The following C1GALT1 variants were observed in gnomAD, a reference collection of about 807,000 sequenced individuals.
C1GALT1 encodes the protein glycoprotein-N-acetylgalactosamine 3-beta-galactosyltransferase 1.
C1GALT1 carries 11 observed loss-of-function variants against 31.0 expected under a neutral mutation model. The ratio of observed to expected loss-of-function variants is 0.36; its 90% CI spans 0.22 to 0.59. C1GALT1 has a LOEUF of 0.59. C1GALT1 is among the 20% of genes least tolerant of loss of function. C1GALT1 has a pLI of 0.79. For missense variants in C1GALT1, 424 were observed against 425.2 expected, an observed-to-expected ratio of 1.00 and a Z score of 0.03; for synonymous variants, 175 against 143.6, an observed-to-expected ratio of 1.22 and a Z score of -1.56.
chr7:7,175,431 T>C (rs1437640275), intron 2 of C1GALT1, among the ~76,000 whole-genome samples: 1 of 152,272 alleles, frequency 6.6e-6, no homozygotes, highest in Admixed American at 6.5e-5. Context: ...GCCCTGGGCA[T>C]GTGCATGGCT....
chr7:7,237,783 G>C (rs184407191), intron 2 of C1GALT1, among the ~76,000 whole-genome samples: 29 of 152,228 alleles, frequency 1.9e-4, no homozygotes, highest in African/African-American at 6.5e-4. Context: ...TCAGAAACTC[G>C]TTCAGAGCAG....
chr7:7,228,482 A>G (rs914223383), intron 1 of C1GALT1, among the ~76,000 whole-genome samples: 1 of 152,144 alleles, frequency 6.6e-6, no homozygotes, highest in Non-Finnish European at 1.5e-5. Context: ...CAGTGTGGTT[A>G]AGCTGTGTCT....
chr7:7,237,239 A>C (rs187787072), intron 2 of C1GALT1, among the ~76,000 whole-genome samples: 38 of 152,342 alleles, frequency 2.5e-4, no homozygotes, highest in Non-Finnish European at 1.5e-5. Flanking sequence ...ATAGCTTGGG[A>C]AGTACTCATC....
intron 1 of C1GALT1, among the ~76,000 whole-genome samples, chr7:7,207,612 G>A (rs566912135): frequency 2.6e-5 from 4 of 151,506 alleles, no homozygotes; most frequent in Admixed American, 1.3e-4. Context: ...ATCTACCATC[G>A]GGTCTTTTTC....
chr7:7,183,619 G>C (rs1780687882), intron 1 of C1GALT1: 1 of 982,990 alleles, frequency 1.0e-6, no homozygotes, highest in Non-Finnish European at 1.2e-6. Context: ...CTTAAAAGAT[G>C]ACCATAATTT....
Position 7,243,573 on chromosome 7 carries a change from C to T in C1GALT1, c.938C>T (p.Ser313Phe). 1 of 1,611,578 alleles carries T rather than the reference C, an allele frequency of 6.2e-7. No homozygotes were observed. Among genetic ancestry groups the T allele is most frequent in the South Asian group, 1.1e-5 (1 of 90,558 alleles). ...GCAGTTTCTTTTCACTATGTTGATTCTACAACCATGTATGAGTTAGAATAC... is the reference window on the plus strand; with the variant it reads ...GCAGTTTCTTTTCACTATGTTGATTTTACAACCATGTATGAGTTAGAATAC... The part of the protein sequence containing the change: ...DLAVSFHYVD[S>F]TTMYELEYLV... The change falls in exon 4 of 4, where the codon TCT becomes TTT. Residue 313 changes from serine (S) to phenylalanine (F), a missense_variant. Around this residue, in one of 3 missense-constraint regions of C1GALT1, gnomAD observed 191 missense variants for 188.8 expected, o/e 1.01. Coordinates refer to ENST00000436587, the MANE Select transcript of C1GALT1 (RefSeq NM_020156.5).
chr7:7,183,241 C>T (rs1362960157), intron 1 of C1GALT1, among the ~76,000 whole-genome samples: 3 of 152,076 alleles, frequency 2.0e-5, no homozygotes, highest in Admixed American at 1.3e-4. Flanking sequence ...CCCTCCCCGC[C>T]CCGCCGCAGA....
At chr7:7,160,690 C>T (rs2128226312) in intron 2 of C1GALT1, among the ~76,000 whole-genome samples, 1 of 152,148 alleles carries the variant, frequency 6.6e-6, no homozygotes, top group African/African-American at 2.4e-5. Flanking sequence ...CAACTCATTC[C>T]TGGGTACACA....
chr7:7,205,257 C>G (rs975628185), intron 1 of C1GALT1, among the ~76,000 whole-genome samples: 1 of 152,082 alleles, frequency 6.6e-6, no homozygotes, highest in Non-Finnish European at 1.5e-5. Flanking sequence ...TGCTATCCCC[C>G]CCACGGAAAT....
chr7:7,175,453 C>T (rs1404489537), intron 2 of C1GALT1, among the ~76,000 whole-genome samples: 1 of 152,164 alleles, frequency 6.6e-6, no homozygotes, highest in Non-Finnish European at 1.5e-5. Context: ...TCTAAATTCC[C>T]ACGTATATAT....
intron 1 of C1GALT1, among the ~76,000 whole-genome samples, chr7:7,224,802 AC>A (rs1320454748): frequency 1.3e-5 from 2 of 152,114 alleles, no homozygotes; most frequent in African/African-American, 4.8e-5. Flanking sequence ...GGGTACATAT[AC>A]AGGTTTGTTA....
chr7:7,241,033 A>C (rs866272692), intron 3 of C1GALT1, among the ~76,000 whole-genome samples: 24 of 152,060 alleles, frequency 1.6e-4, no homozygotes, highest in Middle Eastern at 3.2e-3. Flanking sequence ...TCTTAGTAAT[A>C]GACTTTTCAC....
rs34137418 is a variant in C1GALT1, at chr7:7,245,186, A to C, written c.*1459A>C. 6.6e-6 allele frequency: 1 copy of C among 152,190 alleles called. No individual in the cohort carries two copies. The highest frequency in any genetic ancestry group is 1.5e-5 in the Non-Finnish European group (1 of 68,024). 9.4% of individuals were successfully genotyped at this position (152,190 alleles called of 1,614,324 possible). ...ATGTTTATCATTATGCCAATTTTAC[A>C]TGGCAGTCATGCCACTGACTCTGCT... On this transcript the variant is annotated 3_prime_UTR_variant, in exon 4 of 4. Transcript: ENST00000436587.
intron 1 of C1GALT1, among the ~76,000 whole-genome samples, chr7:7,223,350 A>T (rs556246770): frequency 6.6e-6 from 1 of 152,058 alleles, no homozygotes; most frequent in African/African-American, 2.4e-5. Flanking sequence ...TTTAGTAGAG[A>T]TGGGGTTTCT....
intron 2 of C1GALT1, chr7:7,234,756 A>G: frequency 2.4e-6 from 1 of 425,176 alleles, no homozygotes; most frequent in African/African-American, 2.0e-5. Context: ...ATAGTTCAGA[A>G]CCCATGATTT....
chr7:7,202,249 C>A (rs1021911587), intron 1 of C1GALT1, among the ~76,000 whole-genome samples: 2 of 152,126 alleles, frequency 1.3e-5, no homozygotes, highest in African/African-American at 4.8e-5. Flanking sequence ...TGGATTCTCT[C>A]GGCTTTCCTG....
chr7:7,187,124 G>C (rs575021243), intron 1 of C1GALT1, among the ~76,000 whole-genome samples: 88 of 152,348 alleles, frequency 5.8e-4, no homozygotes, highest in Admixed American at 9.8e-4. Flanking sequence ...GAAGTCAGAA[G>C]AGGTACAAGA....
At chr7:7,195,463 C>T (rs965951806) in intron 1 of C1GALT1, among the ~76,000 whole-genome samples, 1 of 152,116 alleles carries the variant, frequency 6.6e-6, no homozygotes, top group Non-Finnish European at 1.5e-5. Flanking sequence ...TATTTAATTT[C>T]CATGTATTTA....
intron 1 of C1GALT1, among the ~76,000 whole-genome samples, chr7:7,227,051 G>A (rs1402793820): frequency 6.6e-6 from 1 of 151,986 alleles, no homozygotes; most frequent in Non-Finnish European, 1.5e-5. Flanking sequence ...ACTCCTTTCT[G>A]TTTTTTTGTA....
Sources: allele counts gnomAD v4.1 joint callset (sites outside exome capture counted in the v4.1 genomes callset), GRCh38; gene constraint gnomAD v4.1.1; regional missense constraint gnomAD v4.1.1; transcripts MANE v1.5; gene names NCBI Gene and HGNC (gene_info 2026-07-23, HGNC 2026-07-21).